The following WWTR1 variants were observed in gnomAD, a reference collection of about 807,000 sequenced individuals.
WWTR1 encodes WW domain containing transcription regulator 1, also known as WW domain-containing transcription regulator protein 1.
WWTR1 carries 13 observed loss-of-function variants against 40.1 expected under a neutral mutation model. The ratio of observed to expected loss-of-function variants is 0.32; its 90% CI spans 0.21 to 0.52. WWTR1 has a LOEUF of 0.52. Among genes scored for constraint, WWTR1 ranks in the 20% least tolerant of loss-of-function variants. WWTR1 has a pLI of 0.97. For synonymous variants in WWTR1, 230 were observed against 210.1 expected (o/e 1.09, Z -0.82); for missense variants, 436 against 523.1 (o/e 0.83, Z 1.63).
intron 3 of WWTR1, among the ~76,000 whole-genome samples, chr3:149,549,191 C>T (rs1156438623): frequency 1.3e-5 from 2 of 152,142 alleles, no homozygotes; most frequent in African/African-American, 2.4e-5. Flanking sequence ...TTCCAAAGAA[C>T]ACAGGATTGA....
At chr3:149,686,307 C>T (rs1216764995) in intron 1 of WWTR1, among the ~76,000 whole-genome samples, 1 of 152,164 alleles carries the variant, frequency 6.6e-6, no homozygotes. Flanking sequence ...ACATCTCAGA[C>T]ATCAACATCA....
intron 2 of WWTR1, among the ~76,000 whole-genome samples, chr3:149,621,614 G>A (rs1165128742): frequency 6.6e-6 from 1 of 152,060 alleles, no homozygotes; most frequent in Non-Finnish European, 1.5e-5. Context: ...AAAAAATACA[G>A]GAAGAGCAAA....
At chr3:149,687,669 G>A (rs1714697867) in intron 1 of WWTR1, among the ~76,000 whole-genome samples, 1 of 152,162 alleles carries the variant, frequency 6.6e-6, no homozygotes, top group Non-Finnish European at 1.5e-5. Flanking sequence ...GACCCAGTAC[G>A]TTCTCACCTA....
chr3:149,573,086 C>T, intron 2 of WWTR1, 86 bp from the exon 3 acceptor site: 1 of 1,351,310 alleles, frequency 7.4e-7, no homozygotes, highest in Non-Finnish European at 1.0e-6. Flanking sequence ...GTTAATGACA[C>T]TAATTCTTCC....
intron 3 of WWTR1, among the ~76,000 whole-genome samples, chr3:149,554,881 A>G (rs1736753959): frequency 6.6e-6 from 1 of 152,232 alleles, no homozygotes. Flanking sequence ...GAGGAAATTT[A>G]GTTATTCACT....
rs1734936946 is a variant in WWTR1, at chr3:149,519,410, T to TC, written c.*1394dup. 6.6e-6 allele frequency: 1 copy of TC among 152,218 alleles called. No individual in the cohort carries two copies. The highest frequency in any genetic ancestry group is 1.5e-5 in the Non-Finnish European group (1 of 68,042). 9.4% of individuals were successfully genotyped at this position (152,218 alleles called of 1,614,324 possible). A position where few individuals can be genotyped will look rare whatever the true frequency, so the allele number is the denominator to read the frequency against. ...ACATGTCAGTCAGAGATCTGCTTCATCCTTCAGTTTCATAGATAGAATTAT... is the reference window on the plus strand; with the variant it reads ...ACATGTCAGTCAGAGATCTGCTTCATCCCTTCAGTTTCATAGATAGAATTAT... On this transcript the variant is annotated 3_prime_UTR_variant, in exon 7 of 7. Transcript: ENST00000360632.
chr3:149,596,947 A>G (rs1405160636), intron 2 of WWTR1, among the ~76,000 whole-genome samples: 1 of 152,174 alleles, frequency 6.6e-6, no homozygotes, highest in East Asian at 1.9e-4. Context: ...ATGACACACA[A>G]AGACCTTAGA....
At chr3:149,646,925 A>C (rs1236554567) in intron 2 of WWTR1, among the ~76,000 whole-genome samples, 1 of 152,228 alleles carries the variant, frequency 6.6e-6, no homozygotes, top group African/African-American at 2.4e-5. Flanking sequence ...AATGTCCATC[A>C]GTAGGGGACA....
rs3044118 is a variant in WWTR1, at chr3:149,557,061, C to CTTTTTTTTTTTTTTT, written c.569-14539_569-14525dup. 6.8e-4 allele frequency among the ~76,000 whole-genome samples: 44 copies of CTTTTTTTTTTTTTTT among 64,374 alleles called. 11 individuals carry two copies. Among genetic ancestry groups the CTTTTTTTTTTTTTTT allele is most frequent in the South Asian group, 7.9e-4 (1 of 1,262 alleles). 42.2% of individuals were successfully genotyped at this position (64,374 alleles called of 152,430 possible). ...TCCTAGTGTTCCCTACTGGAATCTT[C>CTTTTTTTTTTTTTTT]TTTTTTTTTTTTTTTTTTTTTTTTT... On this transcript the variant is annotated intron_variant, in intron 3 of 6. Coordinates refer to ENST00000360632, the MANE Select transcript of WWTR1 (RefSeq NM_015472.6).
intron 3 of WWTR1, among the ~76,000 whole-genome samples, chr3:149,572,133 C>T (rs570740427): frequency 1.8e-4 from 28 of 152,266 alleles, no homozygotes; most frequent in South Asian, 8.3e-4. Context: ...CTAGCCTGCT[C>T]TCCAGCTCTG....
At chr3:149,686,559 G>A (rs1352498371) in intron 1 of WWTR1, among the ~76,000 whole-genome samples, 1 of 152,134 alleles carries the variant, frequency 6.6e-6, no homozygotes, top group Admixed American at 6.5e-5. Context: ...AAATAATAGA[G>A]TGAAGAAATC....
chr3:149,650,032 G>A (rs1712774235), intron 2 of WWTR1: 1 of 151,854 alleles, frequency 6.6e-6, no homozygotes, highest in Admixed American at 6.6e-5. Context: ...AAAGTGATAA[G>A]ATTAGTGGTG....
intron 1 of WWTR1, among the ~76,000 whole-genome samples, chr3:149,681,962 T>C (rs1319125082): frequency 6.6e-6 from 1 of 152,220 alleles, no homozygotes; most frequent in African/African-American, 2.4e-5. Context: ...AAAGCTGCTG[T>C]ACAACATTGT....
intron 5 of WWTR1, among the ~76,000 whole-genome samples, chr3:149,716,078 T>C (rs1256838175): frequency 6.6e-6 from 1 of 152,086 alleles, no homozygotes; most frequent in Non-Finnish European, 1.5e-5. Context: ...GGGCTATTTG[T>C]TTTGAATTCA....
At chr3:149,683,044 T>C (rs78108012) in intron 1 of WWTR1, among the ~76,000 whole-genome samples, 3,222 of 152,310 alleles carry the variant, frequency 0.021, 63 homozygotes, top group South Asian at 0.092. Flanking sequence ...GGGATAGCTC[T>C]ATATTAGCTG....
At chr3:149,560,200 A>G (rs1737024863) in intron 3 of WWTR1, among the ~76,000 whole-genome samples, 1 of 152,246 alleles carries the variant, frequency 6.6e-6, no homozygotes. Context: ...GAAATAGGGA[A>G]TGCCTCAGGC....
chr3:149,575,095 C>CCT (rs2108002036), intron 2 of WWTR1, among the ~76,000 whole-genome samples: 1 of 149,612 alleles, frequency 6.7e-6, no homozygotes, highest in African/African-American at 2.5e-5. Flanking sequence ...CTCCATCCCC[C>CCT]CCAAAAAAAA....
At chr3:149,710,863 G>GC (rs1715462263) in intron 5 of WWTR1, among the ~76,000 whole-genome samples, 2 of 151,990 alleles carry the variant, frequency 1.3e-5, no homozygotes, top group South Asian at 4.1e-4. Flanking sequence ...ACAGGCATGA[G>GC]CCACTGCACC....
chr3:149,641,692 C>A (rs777089185), intron 2 of WWTR1, among the ~76,000 whole-genome samples: 1 of 152,236 alleles, frequency 6.6e-6, no homozygotes, highest in Non-Finnish European at 1.5e-5. Context: ...AAAATCATTT[C>A]TTTAATGTTG....
Sources: allele counts gnomAD v4.1 joint callset (sites outside exome capture counted in the v4.1 genomes callset), GRCh38; gene constraint gnomAD v4.1.1; transcripts MANE v1.5; gene names NCBI Gene and HGNC (gene_info 2026-07-23, HGNC 2026-07-21).